NTN4: variants seen among roughly 807,000 people sequenced by gnomAD.
NTN4 encodes netrin 4.
In NTN4, 32 loss-of-function variants were observed where a neutral mutation model predicts 73.6. The observed-to-expected ratio is 0.44, with a 90% CI of 0.33 to 0.58. The LOEUF (loss-of-function observed/expected upper bound fraction) is 0.58, where lower values mean the gene tolerates loss of function less well. Ranked by LOEUF, NTN4 falls within the 20% of genes least tolerant of loss-of-function variation. The pLI, the probability that NTN4 is intolerant of heterozygous loss-of-function variation, is 0.04. For synonymous variants in NTN4, 258 were observed against 287.5 expected (o/e 0.90, Z 1.04); for missense variants, 654 against 798.3 (o/e 0.82, Z 2.18).
chr12:95,672,607 A>C (rs1426701363), intron 7 of NTN4: 2 of 1,526,588 alleles, frequency 1.3e-6, no homozygotes, highest in Non-Finnish European at 1.8e-6. Context: ...TCGGTAAAGC[A>C]GAAACTGCTG....
chr12:95,748,244 A>AAAAAG (rs565231027), intron 2 of NTN4, among the ~76,000 whole-genome samples: 31,105 of 134,900 alleles, frequency 0.23, 4,822 homozygotes, highest in South Asian at 0.33. Context: ...AAAAAAAAAA[A>AAAAAG]AAAAGAAAAG....
chr12:95,708,767 T>C (rs1182570857), intron 5 of NTN4, among the ~76,000 whole-genome samples: 2 of 152,126 alleles, frequency 1.3e-5, no homozygotes, highest in Non-Finnish European at 2.9e-5. Flanking sequence ...TCTTTTATCT[T>C]ATATACACAC....
intron 3 of NTN4, among the ~76,000 whole-genome samples, chr12:95,735,284 T>C (rs1456833005): frequency 2.0e-5 from 3 of 152,160 alleles, no homozygotes; most frequent in African/African-American, 7.2e-5. Context: ...GCAAGAATTG[T>C]GATGGAACTG....
intron 5 of NTN4, among the ~76,000 whole-genome samples, chr12:95,699,605 G>A (rs1249331283): frequency 6.7e-6 from 1 of 149,518 alleles, no homozygotes; most frequent in Non-Finnish European, 1.5e-5. Flanking sequence ...CAGCTGAGTA[G>A]TTTTCACCTA....
At chr12:95,777,426 G>A (rs943119517) in intron 2 of NTN4, among the ~76,000 whole-genome samples, 1 of 152,128 alleles carries the variant, frequency 6.6e-6, no homozygotes, top group African/African-American at 2.4e-5. Context: ...TATCTCACGT[G>A]CAGAGACATG....
intron 5 of NTN4, among the ~76,000 whole-genome samples, chr12:95,697,417 T>G (rs2078450704): frequency 6.6e-6 from 1 of 152,210 alleles, no homozygotes; most frequent in Non-Finnish European, 1.5e-5. Context: ...TTGAGAAATT[T>G]CCTGGATAAT....
intron 5 of NTN4, among the ~76,000 whole-genome samples, chr12:95,708,276 A>ATTTATTTC (rs2078535717): frequency 2.1e-5 from 3 of 143,774 alleles, no homozygotes; most frequent in Admixed American, 1.4e-4. Context: ...TTATTTATTT[A>ATTTATTTC]TTTATTTATT....
intron 3 of NTN4, among the ~76,000 whole-genome samples, chr12:95,715,722 A>T (rs2078600409): frequency 6.6e-6 from 1 of 152,118 alleles, no homozygotes; most frequent in Non-Finnish European, 1.5e-5. Flanking sequence ...TTTCCTATCC[A>T]TTTTTTATTA....
rs539404336 is a variant in NTN4 at position 95,662,081 on chromosome 12, T to A, written c.1751-2859A>T. Among the ~76,000 whole-genome samples the A allele has an allele frequency of 2.6e-4, 39 of 152,186 alleles. No individual in the cohort carries two copies. The South Asian group carries it at 8.1e-3, about 32-fold the overall frequency. On this transcript the variant is annotated intron_variant, in intron 9 of 9. Transcript: ENST00000343702. Reference sequence around the variant, plus strand: ...ATATCGTTTTGGTTAAAAAATATAATACATACACACAGAGGAAGATTGGAA... The same window carrying A: ...ATATCGTTTTGGTTAAAAAATATAAAACATACACACAGAGGAAGATTGGAA...
chr12:95,737,871 G>A lies in NTN4; in HGVS notation c.859C>T (p.His287Tyr), dbSNP rs550780277. 5.9e-5 allele frequency: 95 copies of A among 1,607,420 alleles called. 1 individual carries two copies. In the South Asian group the frequency reaches 9.3e-4, roughly 16 times the overall value. The change falls in exon 3 of 10, where the codon CAC (histidine) becomes TAC (tyrosine). Residue 287 changes from histidine (H) to tyrosine (Y), a missense_variant. His to Tyr is a moderately conservative substitution (Grantham distance 83). Coordinates refer to ENST00000343702, the MANE Select transcript of NTN4 (RefSeq NM_021229.4). ...GGAGGACTTGTTTCACCTACCATGT[G>A]GAATGTTCCTGGGGCCTTGACAGGT... ...FRPVKAPGTF[H>Y]MVHGKCMCKH...
chr12:95,713,431 T>C lies in NTN4; in HGVS notation c.865-93A>G, dbSNP rs1197232074. The C allele has an allele frequency of 4.3e-6, 6 of 1,390,474 alleles. No homozygotes were observed. The Admixed American group carries it at 6.7e-5, about 16-fold the overall frequency. The allele number at this position is 1,390,474 out of a possible 1,614,324, so 86.1% of individuals were successfully genotyped here. On this transcript the variant is annotated intron_variant, in intron 3 of 9. Coordinates refer to ENST00000343702, the MANE Select transcript of NTN4 (RefSeq NM_021229.4). ...ACAATCTAATCTCATGGATTGGCTT[T>C]AGTCATAAGATGTTCATTCACTTTC...
chr12:95,727,290 T>G (rs552719067), intron 3 of NTN4, among the ~76,000 whole-genome samples: 5 of 152,356 alleles, frequency 3.3e-5, no homozygotes, highest in African/African-American at 9.6e-5. Context: ...TTTGTTTTGT[T>G]GTTGAGTTGT....
At chr12:95,672,140 G>A (rs958316239) in intron 7 of NTN4, 1 of 417,746 alleles carries the variant, frequency 2.4e-6, no homozygotes, top group Non-Finnish European at 4.5e-6. Flanking sequence ...AGGTAACGTA[G>A]TAAGACATTG....
intron 5 of NTN4, among the ~76,000 whole-genome samples, chr12:95,697,846 C>T (rs1485304769): frequency 6.6e-6 from 1 of 152,090 alleles, no homozygotes; most frequent in Non-Finnish European, 1.5e-5. Context: ...GCTATGTGAA[C>T]ATGGGCAAAT....
intron 9 of NTN4, among the ~76,000 whole-genome samples, chr12:95,664,458 G>A (rs2120918034): frequency 6.6e-6 from 1 of 152,272 alleles, no homozygotes; most frequent in East Asian, 1.9e-4. Context: ...AAAAGGATGT[G>A]AGAGATTGGT....
At chr12:95,727,836 G>A (rs113780007) in intron 3 of NTN4, among the ~76,000 whole-genome samples, 4,471 of 152,234 alleles carry the variant, frequency 0.029, 103 homozygotes, top group Non-Finnish European at 0.042. Context: ...TGCAAAAAGG[G>A]CAGCTAGAAT....
intron 7 of NTN4, among the ~76,000 whole-genome samples, chr12:95,678,415 T>G (rs2078291053): frequency 6.7e-6 from 1 of 149,740 alleles, no homozygotes; most frequent in Non-Finnish European, 1.5e-5. Flanking sequence ...ACCACATTGA[T>G]AGATTACAGG....
intron 5 of NTN4, among the ~76,000 whole-genome samples, chr12:95,698,884 G>A (rs867144585): frequency 1.2e-4 from 18 of 151,484 alleles, no homozygotes; most frequent in Non-Finnish European, 2.5e-4. Context: ...AAAAATAATC[G>A]TAGCTTCTCT....
chr12:95,707,412 T>C (rs186949838), intron 5 of NTN4, among the ~76,000 whole-genome samples: 223 of 152,320 alleles, frequency 1.5e-3, no homozygotes, highest in Non-Finnish European at 2.7e-3. Context: ...GTTAACTCTT[T>C]GGTGAACTTC....
Sources: gnomAD v4.1 joint callset for allele counts (sites outside exome capture counted in the v4.1 genomes callset) on GRCh38, gnomAD v4.1.1 for gene constraint, MANE v1.5 for transcripts, NCBI Gene and HGNC (gene_info 2026-07-23, HGNC 2026-07-21) for gene names.